RBFOX1: variants seen among roughly 807,000 people sequenced by gnomAD.
RBFOX1 encodes RNA binding fox-1 homolog 1, also known as RNA binding protein fox-1 homolog 1.
In RBFOX1, 8 loss-of-function variants were observed where a neutral mutation model predicts 57.7. The ratio of observed to expected loss-of-function variants is 0.14; its 90% CI spans 0.08 to 0.25. RBFOX1 has a LOEUF of 0.25. Ranked by LOEUF, RBFOX1 falls within the 10% of genes least tolerant of loss-of-function variation. The pLI is 1.00. For synonymous variants in RBFOX1, 326 were observed against 222.4 expected (o/e 1.47, Z -4.15); for missense variants, 611 against 548.5 (o/e 1.11, Z -1.14).
At chr16:6,743,927 G>A (rs1352492579) in intron 3 of RBFOX1, among the ~76,000 whole-genome samples, 2 of 150,786 alleles carry the variant, frequency 1.3e-5, no homozygotes, top group African/African-American at 2.5e-5. Context: ...TACAGTAAAT[G>A]ATTTTCCAGT....
rs187464448 is a variant in RBFOX1 at position 6,689,281 on chromosome 16, T to G, written c.-16+34631T>G. Among the ~76,000 whole-genome samples, 316 of 152,312 alleles carry G rather than the reference T, an allele frequency of 2.1e-3. 2 individuals are homozygous for G. Among genetic ancestry groups the G allele is most frequent in the African/African-American group, 7.1e-3 (296 of 41,592 alleles). Reference sequence around the variant, plus strand: ...GGTTGAATTGTTTCTTGTTTTCATATGTGTTTATAATTCACATGAAGTGAT... The same window carrying G: ...GGTTGAATTGTTTCTTGTTTTCATAGGTGTTTATAATTCACATGAAGTGAT... On this transcript the variant is annotated intron_variant, in intron 3 of 15. Coordinates refer to ENST00000550418, the MANE Select transcript of RBFOX1 (RefSeq NM_018723.4).
chr16:6,873,105 G>T (rs1269206969), intron 3 of RBFOX1, among the ~76,000 whole-genome samples: 1 of 150,424 alleles, frequency 6.6e-6, no homozygotes. Context: ...TTTCTTACTT[G>T]AGAAACTTTT....
intron 4 of RBFOX1, among the ~76,000 whole-genome samples, chr16:7,403,340 T>C (rs936655611): frequency 6.6e-6 from 1 of 152,130 alleles, no homozygotes; most frequent in African/African-American, 2.4e-5. Flanking sequence ...TTCAGTCATC[T>C]TGGATAACTG....
intron 1 of RBFOX1, among the ~76,000 whole-genome samples, chr16:6,031,043 C>T (rs1345795340): frequency 6.6e-6 from 1 of 152,140 alleles, no homozygotes; most frequent in East Asian, 1.9e-4. Flanking sequence ...TACCCGTTAT[C>T]ATAAGTATTA....
intron 14 of RBFOX1, among the ~76,000 whole-genome samples, chr16:7,705,247 G>A (rs575520575): frequency 1.2e-4 from 18 of 150,336 alleles, no homozygotes; most frequent in East Asian, 2.0e-4. Context: ...TGGCTCATGC[G>A]TGTAATCCCA....
intron 3 of RBFOX1, among the ~76,000 whole-genome samples, chr16:5,664,662 A>T (rs1036607200): frequency 6.6e-6 from 1 of 152,164 alleles, no homozygotes; most frequent in African/African-American, 2.4e-5. Context: ...GAATCTGTCC[A>T]TTTGTCCTAG....
chr16:7,525,364 A>G (rs964405979), intron 5 of RBFOX1, among the ~76,000 whole-genome samples: 2 of 152,140 alleles, frequency 1.3e-5, no homozygotes, highest in Non-Finnish European at 2.9e-5. Flanking sequence ...CTCTGGGTTT[A>G]ATCTTGCACT....
At chr16:5,894,856 C>G (rs1163906469) in intron 4 of RBFOX1, among the ~76,000 whole-genome samples, 3 of 151,288 alleles carry the variant, frequency 2.0e-5, no homozygotes, top group African/African-American at 7.3e-5. Context: ...CCCGTCTCTA[C>G]TAAAAATACA....
chr16:6,419,512 C>G (rs1396663614), intron 2 of RBFOX1, among the ~76,000 whole-genome samples: 1 of 152,148 alleles, frequency 6.6e-6, no homozygotes, highest in Non-Finnish European at 1.5e-5. Context: ...AATTCAAGTA[C>G]ATTTCTACCA....
At chr16:6,526,452 C>T (rs980261130) in intron 2 of RBFOX1, among the ~76,000 whole-genome samples, 7 of 152,084 alleles carry the variant, frequency 4.6e-5, no homozygotes, top group African/African-American at 9.7e-5. Context: ...CTGTAGAAGG[C>T]GGTCATTCAT....
chr16:5,521,551 C>T (rs2044016270), intron 2 of RBFOX1, among the ~76,000 whole-genome samples: 2 of 152,240 alleles, frequency 1.3e-5, no homozygotes, highest in Admixed American at 6.5e-5. Context: ...TGAGTGAGGC[C>T]GCCATGATTG....
chr16:6,574,424 A>ATTTTTTTTT (rs34505014), intron 2 of RBFOX1, among the ~76,000 whole-genome samples: 8 of 89,940 alleles, frequency 8.9e-5, no homozygotes, highest in East Asian at 3.6e-4. Flanking sequence ...CGTATCTTCT[A>ATTTTTTTTT]TTTTTTTTTT....
At chr16:6,186,384 C>T (rs985104981) in intron 1 of RBFOX1, among the ~76,000 whole-genome samples, 1 of 152,098 alleles carries the variant, frequency 6.6e-6, no homozygotes, top group African/African-American at 2.4e-5. Context: ...GGATCATCTG[C>T]ATATGGGGAA....
intron 3 of RBFOX1, among the ~76,000 whole-genome samples, chr16:6,804,426 A>T (rs1364629955): frequency 6.6e-6 from 1 of 151,916 alleles, no homozygotes; most frequent in Non-Finnish European, 1.5e-5. Flanking sequence ...GTCAACAATA[A>T]CTCTTTGCTG....
At chr16:6,129,676 T>A in intron 1 of RBFOX1, among the ~76,000 whole-genome samples, 1 of 130,372 alleles carries the variant, frequency 7.7e-6, no homozygotes, top group Non-Finnish European at 1.6e-5. Flanking sequence ...AGAAGATTAG[T>A]AGATCAGGTT....
At chr16:7,691,269 G>T (rs11642419) in intron 14 of RBFOX1, among the ~76,000 whole-genome samples, 55,847 of 151,644 alleles carry the variant, frequency 0.37, 10,670 homozygotes, top group Middle Eastern at 0.43. Context: ...TTTGAAGAGG[G>T]TGAGTTGTCA....
chr16:6,289,344 G>T (rs1246445379), intron 1 of RBFOX1, among the ~76,000 whole-genome samples: 1 of 152,112 alleles, frequency 6.6e-6, no homozygotes, highest in African/African-American at 2.4e-5. Context: ...CCTGTGACTG[G>T]TGATGCAAAG....
At chr16:5,760,526 A>T (rs1341031984) in intron 3 of RBFOX1, among the ~76,000 whole-genome samples, 1 of 152,194 alleles carries the variant, frequency 6.6e-6, no homozygotes. Context: ...AACAGAGGAG[A>T]AGATAAACAA....
chr16:5,976,044 T>C (rs1373774665), intron 4 of RBFOX1, among the ~76,000 whole-genome samples: 2 of 151,992 alleles, frequency 1.3e-5, no homozygotes, highest in African/African-American at 4.8e-5. Context: ...CTCAGGAGGC[T>C]GAGGCAAGAG....
Sources: gnomAD v4.1 joint callset for allele counts (sites outside exome capture counted in the v4.1 genomes callset) on GRCh38, gnomAD v4.1.1 for gene constraint, MANE v1.5 for transcripts, NCBI Gene and HGNC (gene_info 2026-07-23, HGNC 2026-07-21) for gene names.